The following ASNSD1 variants were observed in gnomAD, a reference collection of about 807,000 sequenced individuals.
ASNSD1 encodes the protein asparagine synthetase domain-containing protein 1.
In ASNSD1, 36 loss-of-function variants were observed where a neutral mutation model predicts 48.3. The observed-to-expected ratio is 0.75, with a 90% confidence interval of 0.57 to 0.99. The LOEUF is 0.99. Among genes scored for constraint, ASNSD1 ranks in the 50% least tolerant of loss-of-function variants. The probability of loss-of-function intolerance (pLI) is 0.00; values close to 1 mark genes in which losing one functional copy is unlikely to be tolerated. For synonymous variants in ASNSD1, 257 were observed against 262.1 expected (o/e 0.98, Z 0.19); for missense variants, 714 against 758.2 (o/e 0.94, Z 0.69).
chr2:189,666,925 C>T lies in ASNSD1; in HGVS notation c.793C>T (p.Pro265Ser), dbSNP rs1234884551. The change falls in exon 4 of 6, where the codon CCT becomes TCT. Residue 265 changes from proline to serine, a missense_variant. Coordinates refer to ENST00000260952, the MANE Select transcript of ASNSD1 (RefSeq NM_019048.4). The part of the protein sequence containing the change: ...THCSNISNVP[P>S]TREILQVFLT... ...TTGCAGTAATATTTCCAATGTGCCA[C>T]CTACAAGAGAGATACTTCAAGTCTT... 4 of 1,614,028 alleles carry T rather than the reference C, an allele frequency of 2.5e-6. No individual in the cohort carries two copies. Among genetic ancestry groups the T allele is most frequent in the Admixed American group, 3.3e-5 (2 of 60,014 alleles).
intron 5 of ASNSD1, 86 bp from the exon 6 acceptor site, chr2:189,670,355 G>A (rs1044047692): frequency 1.5e-5 from 17 of 1,150,900 alleles, no homozygotes; most frequent in African/African-American, 9.3e-5. Flanking sequence ...AAACAATTTG[G>A]TTAAATTTTA....
rs779589579 is a variant in ASNSD1 at position 189,670,624 on chromosome 2, T to G, written c.1830T>G (p.Ile610Met). 6.2e-7 allele frequency: 1 copy of G among 1,613,934 alleles called. No individual in the cohort carries two copies. The highest frequency in any genetic ancestry group is 1.1e-5 in the South Asian group (1 of 91,052). Residue 610 changes from isoleucine (I) to methionine (M), a missense_variant, in exon 6 of 6, where the codon ATT becomes ATG. Coordinates refer to ENST00000260952, the MANE Select transcript of ASNSD1 (RefSeq NM_019048.4). The stretch of plus-strand genomic sequence containing the variant: ...GGGCCATGCAGTTTGGATCAAGAAT[T>G]GCAAAAATGGAAAAAATTAATGAAA... ...PKRAMQFGSRIAKMEKINEKA... is the reference protein window; with the variant it reads ...PKRAMQFGSRMAKMEKINEKA...
intron 1 of ASNSD1, among the ~76,000 whole-genome samples, chr2:189,662,494 C>T (rs1417223959): frequency 6.6e-6 from 1 of 152,142 alleles, no homozygotes; most frequent in African/African-American, 2.4e-5. Flanking sequence ...ACAAATTTGG[C>T]CTTGGAATTC....
At chr2:189,668,209 A>G (rs878921536) in intron 5 of ASNSD1, among the ~76,000 whole-genome samples, 4 of 152,234 alleles carry the variant, frequency 2.6e-5, no homozygotes, top group African/African-American at 7.2e-5. Flanking sequence ...TTTTAAGACT[A>G]TAGTGAAAAA....
rs775560677 is a variant in ASNSD1, at chr2:189,667,400, G to A, written c.1268G>A (p.Arg423Gln). The change falls in exon 4 of 6, where the codon CGA becomes CAA. Residue 423 changes from arginine (R) to glutamine (Q), a missense_variant. Arg to Gln is a conservative substitution (Grantham distance 43). Transcript: ENST00000260952. ...LKELQAVSPS[R>Q]IWNFVEINVS... ...GAACTACAAGCTGTTAGCCCTTCCC[G>A]AATTTGGAATTTTGTTGAAATTAAT... 2.7e-5 allele frequency: 44 copies of A among 1,614,006 alleles called. No individual in the cohort carries two copies. Among genetic ancestry groups the A allele is most frequent in the African/African-American group, 6.7e-5 (5 of 74,906 alleles).
At chr2:189,670,187 AG>A (rs1267910350) in intron 5 of ASNSD1, among the ~76,000 whole-genome samples, 4 of 133,930 alleles carry the variant, frequency 3.0e-5, no homozygotes, top group African/African-American at 8.4e-5. Context: ...GTGCTCACCT[AG>A]GCAAAAAAAA....
chr2:189,664,793 T>C (rs1214624911), intron 2 of ASNSD1, among the ~76,000 whole-genome samples: 1 of 149,334 alleles, frequency 6.7e-6, no homozygotes, highest in African/African-American at 2.4e-5. Flanking sequence ...AGACTTTCTC[T>C]AGAGGGCAAA....
rs139164898 is a variant in ASNSD1 at position 189,670,586 on chromosome 2, C to A, written c.1792C>A (p.Leu598Ile). 3 of 1,613,932 alleles carry A rather than the reference C, an allele frequency of 1.9e-6. No individual in the cohort carries two copies. The highest frequency in any genetic ancestry group is 2.5e-6 in the Non-Finnish European group (3 of 1,179,996). The change falls in exon 6 of 6, where the codon CTT (leucine) becomes ATT (isoleucine). Residue 598 changes from leucine to isoleucine, a missense_variant. Leu to Ile is a conservative substitution (Grantham distance 5, BLOSUM62 2). Coordinates refer to ENST00000260952, the MANE Select transcript of ASNSD1 (RefSeq NM_019048.4). ...AVELGLTASA[L>I]LPKRAMQFGS... ...GGAACTTGGTCTTACAGCCTCTGCT[C>A]TTCTGCCCAAACGGGCCATGCAGTT...
Position 189,666,102 on chromosome 2 carries a change from C to A in ASNSD1, c.-31C>A. 6.7e-7 allele frequency: 1 copy of A among 1,492,898 alleles called. No homozygotes were observed. Among genetic ancestry groups the A allele is most frequent in the Non-Finnish European group, 8.9e-7 (1 of 1,124,272 alleles). The allele number at this position is 1,492,898 out of a possible 1,614,324, so 92.5% of individuals were successfully genotyped here. ...TAGAAAACTTAGACAAGACCAAAAT[C>A]AAGAAATAGTCAACCTGATTTCACA... On this transcript the variant is annotated 5_prime_UTR_variant, in exon 4 of 6. Transcript: ENST00000260952.
Position 189,667,178 on chromosome 2 carries a change from T to C in ASNSD1, c.1046T>C (p.Ile349Thr), listed in dbSNP as rs1343041266. ...ADRHIPLDEP[I>T]DLLNVAFIAE... ...CGTCATATTCCTTTAGATGAACCAA[T>C]TGATCTTCTTAATGTAGCTTTCATA... Residue 349 changes from isoleucine to threonine, a missense_variant, in exon 4 of 6, where the codon ATT becomes ACT. Coordinates refer to ENST00000260952, the MANE Select transcript of ASNSD1 (RefSeq NM_019048.4). The C allele has an allele frequency of 5.0e-6, 8 of 1,614,124 alleles. No homozygotes were observed. The highest frequency in any genetic ancestry group is 2.7e-5 in the African/African-American group (2 of 74,936).
chr2:189,661,483 A>G lies in ASNSD1; in HGVS notation c.-350A>G, dbSNP rs1050074916. The G allele has an allele frequency of 2.0e-5, 8 of 399,022 alleles. No individual in the cohort carries two copies. The highest frequency in any genetic ancestry group is 6.2e-4 in the Middle Eastern group (1 of 1,612). The allele number at this position is 399,022 out of a possible 1,614,324, so 24.7% of individuals were successfully genotyped here. On this transcript the variant is annotated 5_prime_UTR_variant, in exon 1 of 6. Coordinates refer to ENST00000260952, the MANE Select transcript of ASNSD1 (RefSeq NM_019048.4). ...TGTGGCTAATGCCGTAGGCTCCTTC[A>G]GGGCTGAGCCATCCCGCGTGTCTTG...
Position 189,666,871 on chromosome 2 carries a change from A to T in ASNSD1, c.739A>T (p.Met247Leu). Residue 247 changes from methionine (M) to leucine (L), a missense_variant, in exon 4 of 6, where the codon ATG becomes TTG. By Grantham distance (15) the Met-to-Leu change is conservative (BLOSUM62 2). Transcript: ENST00000260952. ...AAAACCTGTTGTTCCTTTAAATATG[A>T]TGTTGCCACAAGCTGCATTGGAGAC... ...LEKPVVPLNMMLPQAALETHC... is the reference protein window; with the variant it reads ...LEKPVVPLNMLLPQAALETHC... 1 of 1,614,054 alleles carries T rather than the reference A, an allele frequency of 6.2e-7. No individual in the cohort carries two copies. The highest frequency in any genetic ancestry group is 2.2e-5 in the East Asian group (1 of 44,876).
rs768148450 is a variant in ASNSD1 at position 189,666,928 on chromosome 2, A to G, written c.796A>G (p.Thr266Ala). ...HCSNISNVPP[T>A]REILQVFLTD... is the part of the protein sequence containing the mutation. Reference sequence around the variant, plus strand: ...CAGTAATATTTCCAATGTGCCACCTACAAGAGAGATACTTCAAGTCTTTCT... The same window carrying G: ...CAGTAATATTTCCAATGTGCCACCTGCAAGAGAGATACTTCAAGTCTTTCT... The change falls in exon 4 of 6, where the codon ACA becomes GCA. Residue 266 changes from threonine to alanine, a missense_variant. Transcript: ENST00000260952. 2 of 1,614,116 alleles carry G rather than the reference A, an allele frequency of 1.2e-6. No homozygotes were observed. The highest frequency in any genetic ancestry group is 1.3e-5 in the African/African-American group (1 of 75,064).
rs1043965596 is a variant in ASNSD1 at position 189,666,186 on chromosome 2, T to C, written c.54T>C (p.Asp18=). ...TTTCTGCTGAGCATTTCAGTCAAGATTTAAAAGAGGACTTACTATATAATC... is the reference window on the plus strand; with the variant it reads ...TTTCTGCTGAGCATTTCAGTCAAGACTTAAAAGAGGACTTACTATATAATC... ...VNFSAEHFSQ[D]LKEDLLYNLK... is the part of the protein sequence containing the mutation. The change falls in exon 4 of 6, where the codon GAT becomes GAC. Residue 18 remains aspartate, a synonymous_variant. Transcript: ENST00000260952. The C allele has an allele frequency of 1.2e-6, 2 of 1,606,320 alleles. No homozygotes were observed. Among genetic ancestry groups the C allele is most frequent in the Admixed American group, 1.7e-5 (1 of 58,282 alleles).
intron 5 of ASNSD1, among the ~76,000 whole-genome samples, chr2:189,668,255 C>T (rs1165191742): frequency 2.0e-5 from 3 of 152,208 alleles, no homozygotes; most frequent in African/African-American, 7.2e-5. Flanking sequence ...TGGCTCACAC[C>T]TGTCTTCCTA....
rs758018468 is a variant in ASNSD1, at chr2:189,667,181, ATCT to A, written c.1054_1056del (p.Leu352del). 5.0e-6 allele frequency: 8 copies of A among 1,614,090 alleles called. No individual in the cohort carries two copies. The highest frequency in any genetic ancestry group is 5.9e-6 in the Non-Finnish European group (7 of 1,180,028). ...CATATTCCTTTAGATGAACCAATTG[ATCT>A]TCTTAATGTAGCTTTCATAGCTGAA... is the stretch of plus-strand genomic sequence containing the variant. On this transcript the variant is annotated inframe_deletion, in exon 4 of 6. Transcript: ENST00000260952.
In ASNSD1 at chr2:189,667,488, G is replaced by A. The variant is rs144514465; in HGVS notation, c.1356G>A (p.Leu452=). 375 of 1,614,176 alleles carry A rather than the reference G, an allele frequency of 2.3e-4. 2 individuals carry two copies. The African/African-American group carries it at 4.3e-3, about 18-fold the overall frequency. ...RTRICHLIRP[L]DTVLDDSIGC... is the part of the protein sequence containing the mutation. ...GAATATGTCACTTAATTCGGCCATT[G>A]GATACAGTTTTGGATGATAGCATTG... The change falls in exon 4 of 6, where the codon TTG becomes TTA. Residue 452 remains leucine (L), a synonymous_variant. Coordinates refer to ENST00000260952, the MANE Select transcript of ASNSD1 (RefSeq NM_019048.4).
Position 189,670,577 on chromosome 2 carries a change from G to A in ASNSD1, c.1783G>A (p.Ala595Thr), listed in dbSNP as rs900049154. 6.2e-7 allele frequency: 1 copy of A among 1,614,086 alleles called. No homozygotes were observed. ...RLAAVELGLT[A>T]SALLPKRAMQ... ...TGCAGCTGTGGAACTTGGTCTTACAGCCTCTGCTCTTCTGCCCAAACGGGC... is the reference window on the plus strand; with the variant it reads ...TGCAGCTGTGGAACTTGGTCTTACAACCTCTGCTCTTCTGCCCAAACGGGC... The change falls in exon 6 of 6, where the codon GCC becomes ACC. Residue 595 changes from alanine (A) to threonine (T), a missense_variant. Transcript: ENST00000260952.
chr2:189,667,451 TAAG>T lies in ASNSD1; in HGVS notation c.1325_1327del (p.Arg442del). Reference sequence around the variant, plus strand: ...GTTTCTATGGAAGAACTGCAGAAATTAAGAAGAACTCGAATATGTCACTTAATT... The same window carrying T: ...GTTTCTATGGAAGAACTGCAGAAATTAAGAACTCGAATATGTCACTTAATT... On this transcript the variant is annotated inframe_deletion, in exon 4 of 6. Coordinates refer to ENST00000260952, the MANE Select transcript of ASNSD1 (RefSeq NM_019048.4). 6.2e-7 allele frequency: 1 copy of T among 1,614,182 alleles called. No individual in the cohort carries two copies. The highest frequency in any genetic ancestry group is 1.1e-5 in the South Asian group (1 of 91,086).
Sources: allele counts gnomAD v4.1 joint callset (sites outside exome capture counted in the v4.1 genomes callset), GRCh38; gene constraint gnomAD v4.1.1; transcripts MANE v1.5; gene names NCBI Gene and HGNC (gene_info 2026-07-23, HGNC 2026-07-21).